Variants in USP47 observed in about 807,000 individuals in gnomAD.
The protein encoded by USP47 is ubiquitin carboxyl-terminal hydrolase 47.
In USP47, 35 loss-of-function variants were observed where a neutral mutation model predicts 165.1. The ratio of observed to expected loss-of-function variants is 0.21; its 90% CI spans 0.16 to 0.28. The LOEUF (loss-of-function observed/expected upper bound fraction) is 0.28. Among genes scored for constraint, USP47 ranks in the 10% least tolerant of loss-of-function variants. USP47 has a pLI of 1.00. For missense variants in USP47, 1,277 were observed against 1,607.4 expected (o/e 0.79, Z 3.52); for synonymous variants, 531 against 544.5 (o/e 0.98, Z 0.35).
chr11:11,913,265 A>G (rs1204007034), intron 8 of USP47, among the ~76,000 whole-genome samples: 4 of 151,038 alleles, frequency 2.6e-5, no homozygotes, highest in Non-Finnish European at 5.9e-5. Flanking sequence ...GTACAAAAAA[A>G]AAAAAAAAAA....
intron 3 of USP47, among the ~76,000 whole-genome samples, chr11:11,886,024 G>A (rs545346750): frequency 6.6e-6 from 1 of 152,198 alleles, no homozygotes; most frequent in South Asian, 2.1e-4. Flanking sequence ...ACTGTTAAAA[G>A]TAAAACAAAT....
At chr11:11,880,704 G>A (rs899691996) in intron 2 of USP47, among the ~76,000 whole-genome samples, 9 of 151,832 alleles carry the variant, frequency 5.9e-5, no homozygotes, top group Admixed American at 4.6e-4. Flanking sequence ...ATATTATTCC[G>A]TGAAAAAAGA....
At chr11:11,908,227 G>C (rs750116884) in intron 8 of USP47, among the ~76,000 whole-genome samples, 5 of 152,152 alleles carry the variant, frequency 3.3e-5, no homozygotes, top group Admixed American at 6.5e-5. Flanking sequence ...TTTAATTTCA[G>C]ATAATTAAGA....
intron 1 of USP47, among the ~76,000 whole-genome samples, chr11:11,846,948 A>T (rs1385394931): frequency 6.6e-6 from 1 of 152,126 alleles, no homozygotes; most frequent in East Asian, 1.9e-4. Context: ...TTGTCAAGTT[A>T]TACCCGCCAG....
At chr11:11,854,199 A>G (rs1219504885) in intron 1 of USP47, among the ~76,000 whole-genome samples, 1 of 146,362 alleles carries the variant, frequency 6.8e-6, no homozygotes, top group Non-Finnish European at 1.5e-5. Flanking sequence ...TCCTCTTTCA[A>G]CCTGATTGCA....
In USP47 at chr11:11,958,813, G is replaced by C. The variant is rs1198702737; in HGVS notation, c.*2638G>C. 6.6e-6 allele frequency: 1 copy of C among 152,218 alleles called. No individual in the cohort carries two copies. Among genetic ancestry groups the C allele is most frequent in the Non-Finnish European group, 1.5e-5 (1 of 68,052 alleles). The allele number at this position is 152,218 out of a possible 1,614,324, so 9.4% of individuals were successfully genotyped here. On this transcript the variant is annotated 3_prime_UTR_variant, in exon 28 of 28. Transcript: ENST00000527733. ...GTACGGGACGTGTATGTAAGGAAGA[G>C]CAATCATGATAGATAAGAACAGTGT...
intron 3 of USP47, among the ~76,000 whole-genome samples, chr11:11,890,222 G>A (rs899129373): frequency 1.3e-5 from 2 of 152,064 alleles, no homozygotes; most frequent in Admixed American, 6.6e-5. Flanking sequence ...AAACTAAAGG[G>A]CTTCCACACA....
intron 27 of USP47, among the ~76,000 whole-genome samples, chr11:11,955,509 A>G (rs1011930004): frequency 1.3e-5 from 2 of 152,204 alleles, no homozygotes; most frequent in African/African-American, 4.8e-5. Flanking sequence ...GCACATCTCA[A>G]TTTGAACCAG....
intron 27 of USP47, 61 bp from the exon 28 acceptor site, chr11:11,955,940 A>C: frequency 7.7e-7 from 1 of 1,305,162 alleles, no homozygotes; most frequent in Non-Finnish European, 1.0e-6. Flanking sequence ...GCATTCAAGC[A>C]TACATTAATA....
chr11:11,935,779 G>A (rs993147374), intron 16 of USP47, among the ~76,000 whole-genome samples: 3 of 151,932 alleles, frequency 2.0e-5, no homozygotes, highest in Admixed American at 6.6e-5. Flanking sequence ...TGAGCTTTAA[G>A]TATTCTGGAG....
intron 1 of USP47, among the ~76,000 whole-genome samples, chr11:11,848,531 C>G (rs1848550312): frequency 6.6e-6 from 1 of 152,070 alleles, no homozygotes; most frequent in Non-Finnish European, 1.5e-5. Flanking sequence ...TGCAAATTTC[C>G]CCTCATTTCA....
chr11:11,923,056 A>G (rs1249286399), intron 11 of USP47, among the ~76,000 whole-genome samples, 165 bp downstream of exon 11: 12 of 44,616 alleles, frequency 2.7e-4, no homozygotes, highest in East Asian at 1.5e-3. Flanking sequence ...ATATATATAT[A>G]TATATATATA....
At chr11:11,861,285 G>A (rs1312045240) in intron 1 of USP47, among the ~76,000 whole-genome samples, 2 of 151,934 alleles carry the variant, frequency 1.3e-5, no homozygotes, top group African/African-American at 4.8e-5. Context: ...TAGTAGAGAC[G>A]GGGTTTCACC....
At chr11:11,908,431 G>C (rs920529896) in intron 8 of USP47, among the ~76,000 whole-genome samples, 1 of 151,898 alleles carries the variant, frequency 6.6e-6, no homozygotes, top group East Asian at 1.9e-4. Flanking sequence ...GAGCTACCAC[G>C]CCCAGCCAGG....
chr11:11,865,577 C>A (rs1390969499), intron 1 of USP47, among the ~76,000 whole-genome samples: 1 of 152,006 alleles, frequency 6.6e-6, no homozygotes, highest in African/African-American at 2.4e-5. Context: ...TGTGAGTAAC[C>A]ACCAGACTGT....
At chr11:11,920,319 C>A in intron 9 of USP47, 23 bp from the exon 10 acceptor site, 1 of 1,606,302 alleles carries the variant, frequency 6.2e-7, no homozygotes, top group Non-Finnish European at 8.5e-7. Context: ...AGACTCTCCC[C>A]CTTTTTGTTG....
At chr11:11,860,981 T>C (rs1849347088) in intron 1 of USP47, among the ~76,000 whole-genome samples, 3 of 152,240 alleles carry the variant, frequency 2.0e-5, no homozygotes, top group Admixed American at 1.3e-4. Context: ...AGAAGACCTG[T>C]GTTCAAATGT....
At chr11:11,896,748 G>A (rs1851872617) in intron 4 of USP47, among the ~76,000 whole-genome samples, 1 of 152,056 alleles carries the variant, frequency 6.6e-6, no homozygotes, top group African/African-American at 2.4e-5. Context: ...TTAAATATAG[G>A]ATCCTATGAG....
chr11:11,929,823 A>G (rs1048520766), intron 12 of USP47, among the ~76,000 whole-genome samples: 1 of 152,144 alleles, frequency 6.6e-6, no homozygotes, highest in Non-Finnish European at 1.5e-5. Context: ...CTGAACCTTC[A>G]TAGGTGCTAC....
Sources: allele counts gnomAD v4.1 joint callset (sites outside exome capture counted in the v4.1 genomes callset), GRCh38; gene constraint gnomAD v4.1.1; transcripts MANE v1.5; gene names NCBI Gene and HGNC (gene_info 2026-07-23, HGNC 2026-07-21).